Variants in PCDH11X observed in about 807,000 individuals in gnomAD.
PCDH11X encodes the protein protocadherin 11 X-linked, also known as protocadherin-11 X-linked.
In PCDH11X, 18 loss-of-function variants were observed where a neutral mutation model predicts 53.3. The ratio of observed to expected loss-of-function variants is 0.34; its 90% CI spans 0.23 to 0.50. PCDH11X has a LOEUF of 0.50. Among genes scored for constraint, PCDH11X ranks in the 20% least tolerant of loss-of-function variants. The pLI is 0.98. For missense variants in PCDH11X, 570 were observed against 1,032.4 expected (o/e 0.55, Z 6.14); for synonymous variants, 279 against 393.3 (o/e 0.71, Z 3.44).
intron 10 of PCDH11X, among the ~76,000 whole-genome samples, chrX:92,527,192 C>A (rs1238391520): frequency 1.8e-5 from 2 of 111,222 alleles, no homozygotes; most frequent in African/African-American, 6.5e-5. Context: ...TAAATAAAAC[C>A]TACAATTTGA....
intron 10 of PCDH11X, among the ~76,000 whole-genome samples, chrX:92,480,230 TTTTG>T (rs2073473805): frequency 9.0e-6 from 1 of 111,627 alleles, no homozygotes; most frequent in Non-Finnish European, 1.9e-5. Context: ...TAAAGACCTA[TTTTG>T]TTTGTTAGTT....
chrX:92,011,574 A>G (rs1411115419), intron 6 of PCDH11X, among the ~76,000 whole-genome samples: 1 of 111,991 alleles, frequency 8.9e-6, no homozygotes, highest in East Asian at 2.8e-4. Flanking sequence ...GGTGAATATA[A>G]TACAAGAAGT....
At chrX:92,547,916 A>T (rs1002686717) in intron 10 of PCDH11X, among the ~76,000 whole-genome samples, 2 of 108,989 alleles carry the variant, frequency 1.8e-5, no homozygotes, top group Non-Finnish European at 3.8e-5. Flanking sequence ...GAATTTTAAC[A>T]TCTATTAAAA....
Position 92,620,389 on chromosome X carries a change from A to G in PCDH11X, c.*1449A>G, listed in dbSNP as rs1928391843. The G allele has an allele frequency of 9.3e-6, 1 of 107,278 alleles. No homozygotes were observed. 8.8% of individuals were successfully genotyped at this position (107,278 alleles called of 1,213,427 possible). ...TTATAAATGTACAGAAACATCACCAACTTAATTTTCTTCCATAGCAAAACT... is the reference window on the plus strand; with the variant it reads ...TTATAAATGTACAGAAACATCACCAGCTTAATTTTCTTCCATAGCAAAACT... On this transcript the variant is annotated 3_prime_UTR_variant, in exon 11 of 11. Transcript: ENST00000682573.
At chrX:92,245,275 A>G (rs1298611816) in intron 7 of PCDH11X, among the ~76,000 whole-genome samples, 1 of 112,268 alleles carries the variant, frequency 8.9e-6, no homozygotes, top group Non-Finnish European at 1.9e-5. Flanking sequence ...TGGATCACTC[A>G]GGAGGACTGC....
chrX:92,019,293 T>C (rs1266667183), intron 6 of PCDH11X, among the ~76,000 whole-genome samples: 1 of 109,113 alleles, frequency 9.2e-6, no homozygotes, highest in Non-Finnish European at 1.9e-5. Context: ...ACTAACAGTA[T>C]TACACACATC....
At chrX:92,504,041 CAA>C (rs763047477) in intron 10 of PCDH11X, among the ~76,000 whole-genome samples, 5 of 23,075 alleles carry the variant, frequency 2.2e-4, no homozygotes, top group Admixed American at 6.1e-4. Flanking sequence ...CACCCAAGAT[CAA>C]AAAAAAAAAA....
chrX:92,371,067 C>T (rs950348379), intron 8 of PCDH11X, among the ~76,000 whole-genome samples: 22 of 111,514 alleles, frequency 2.0e-4, no homozygotes, highest in Middle Eastern at 4.7e-3. Context: ...TATCTGTTTT[C>T]ACCTTTTATC....
At chrX:92,466,102 T>C (rs2073152325) in intron 9 of PCDH11X, among the ~76,000 whole-genome samples, 1 of 111,431 alleles carries the variant, frequency 9.0e-6, no homozygotes, top group Non-Finnish European at 1.9e-5. Context: ...GTGTGAGATA[T>C]GTTCATCTTC....
At chrX:92,233,195 T>A (rs2148373431) in intron 7 of PCDH11X, among the ~76,000 whole-genome samples, 1 of 111,497 alleles carries the variant, frequency 9.0e-6, no homozygotes, top group Admixed American at 9.6e-5. Context: ...TTGGTAATAT[T>A]ACAGCATTGT....
intron 10 of PCDH11X, among the ~76,000 whole-genome samples, chrX:92,523,590 T>C (rs2074401304): frequency 8.9e-6 from 1 of 111,737 alleles, no homozygotes; most frequent in Admixed American, 9.5e-5. Context: ...CAGTGGTGGA[T>C]GCCAGAGATT....
intron 8 of PCDH11X, among the ~76,000 whole-genome samples, chrX:92,384,167 G>C: frequency 9.0e-6 from 1 of 110,694 alleles, no homozygotes; most frequent in Non-Finnish European, 1.9e-5. Context: ...TTTTTAATGG[G>C]GTTGTTTGTT....
chrX:92,415,576 C>T (rs1030085397), intron 9 of PCDH11X, among the ~76,000 whole-genome samples: 2 of 111,365 alleles, frequency 1.8e-5, no homozygotes, highest in African/African-American at 6.5e-5. Flanking sequence ...CAAAATATGT[C>T]AGTATTCATT....
chrX:92,252,771 A>G (rs2067485888), intron 7 of PCDH11X, among the ~76,000 whole-genome samples: 1 of 110,842 alleles, frequency 9.0e-6, no homozygotes, highest in Non-Finnish European at 1.9e-5. Flanking sequence ...GTTTCTACTC[A>G]GTAGACAGAG....
chrX:91,978,234 G>A (rs1283487785), intron 6 of PCDH11X, among the ~76,000 whole-genome samples: 2 of 108,450 alleles, frequency 1.8e-5, no homozygotes, highest in Admixed American at 9.9e-5. Context: ...GTGGTCTTTC[G>A]GGTCCCTTTC....
At chrX:92,488,035 A>G (rs1205164370) in intron 10 of PCDH11X, among the ~76,000 whole-genome samples, 1 of 112,601 alleles carries the variant, frequency 8.9e-6, no homozygotes, top group Non-Finnish European at 1.9e-5. Context: ...TGCTGGGCTC[A>G]AGTCATCCTC....
chrX:91,973,761 C>T (rs1438317568), intron 6 of PCDH11X, among the ~76,000 whole-genome samples: 2 of 105,942 alleles, frequency 1.9e-5, no homozygotes, highest in African/African-American at 6.9e-5. Context: ...ATTATAGGTG[C>T]CCGCCACCAT....
chrX:92,432,271 A>T (rs2072267160), intron 9 of PCDH11X, among the ~76,000 whole-genome samples: 2 of 110,847 alleles, frequency 1.8e-5, no homozygotes, highest in Admixed American at 9.7e-5. Flanking sequence ...CTGTATATTT[A>T]TATTGGTAGC....
intron 10 of PCDH11X, among the ~76,000 whole-genome samples, chrX:92,537,691 G>A (rs1261795473): frequency 1.0e-5 from 1 of 99,031 alleles, no homozygotes; most frequent in Non-Finnish European, 2.0e-5. Flanking sequence ...CAATGGACCA[G>A]AATAGAGAAT....
Sources: allele counts gnomAD v4.1 joint callset (sites outside exome capture counted in the v4.1 genomes callset), GRCh38; gene constraint gnomAD v4.1.1; transcripts MANE v1.5; gene names NCBI Gene and HGNC (gene_info 2026-07-23, HGNC 2026-07-21).